ZNF250: variants seen among roughly 807,000 people sequenced by gnomAD.
ZNF250 encodes zinc finger protein (clone 647).
ZNF250 carries 13 observed loss-of-function variants against 37.1 expected under a neutral mutation model. The observed-to-expected ratio is 0.35, with a 90% CI of 0.23 to 0.56. ZNF250 has a LOEUF of 0.56. Ranked by LOEUF, ZNF250 falls within the 20% of genes least tolerant of loss-of-function variation. ZNF250 has a pLI of 0.87. For missense variants in ZNF250, 474 were observed against 697.9 expected (o/e 0.68, Z 3.61); for synonymous variants, 251 against 265.6 (o/e 0.94, Z 0.54).
chr8:144,889,369 T>C (rs1238896123), intron 4 of ZNF250, among the ~76,000 whole-genome samples: 2 of 152,220 alleles, frequency 1.3e-5, no homozygotes, highest in Non-Finnish European at 1.5e-5. Flanking sequence ...CATCAGCTTG[T>C]TGAAATTCAC....
intron 1 of ZNF250, among the ~76,000 whole-genome samples, chr8:144,896,008 CAAAAA>C (rs1183288137): frequency 3.1e-5 from 2 of 64,910 alleles, no homozygotes; most frequent in Admixed American, 1.7e-4. Context: ...GACTCTGTCT[CAAAAA>C]AAAAAAAAAA....
At chr8:144,895,538 A>G (rs1832658721) in intron 1 of ZNF250, among the ~76,000 whole-genome samples, 1 of 152,172 alleles carries the variant, frequency 6.6e-6, no homozygotes, top group Non-Finnish European at 1.5e-5. Context: ...AGGTGTTATT[A>G]TCTATTTGAT....
rs61668478 is a variant in ZNF250, at chr8:144,880,066, CAA to C, written c.*1447_*1448del. 19,870 of 133,594 alleles carry C rather than the reference CAA, an allele frequency of 0.15. 4,417 individuals carry two copies. Among genetic ancestry groups the C allele is most frequent in the African/African-American group, 0.49 (18,636 of 37,886 alleles). The allele number at this position is 133,594 out of a possible 1,614,324, so 8.3% of individuals were successfully genotyped here. ...GGGGAACAAGAGCAAGACTTTGTCT[CAA>C]AAAAAAAAAAAAAAGTATGCTTAAA... On this transcript the variant is annotated 3_prime_UTR_variant, in exon 6 of 6. Transcript: ENST00000417550.
chr8:144,881,561 T>C lies in ZNF250; in HGVS notation c.1622A>G (p.Gln541Arg). The change falls in exon 6 of 6, where the codon CAG becomes CGG. Residue 541 changes from glutamine to arginine, a missense_variant. Physicochemically the swap from Gln to Arg is conservative, Grantham distance 43 (BLOSUM62 1). Coordinates refer to ENST00000417550, the MANE Select transcript of ZNF250 (RefSeq NM_001109689.4). ...CTGGTGCTGGATTAGGTGGCCATGCTGGTTGAAGGCACGCCCACACTCCCC... is the reference window on the plus strand; with the variant it reads ...CTGGTGCTGGATTAGGTGGCCATGCCGGTTGAAGGCACGCCCACACTCCCC... ...ECGECGRAFNQHGHLIQHQKV... is the reference protein window; with the variant it reads ...ECGECGRAFNRHGHLIQHQKV... 6.2e-7 allele frequency: 1 copy of C among 1,607,404 alleles called. No homozygotes were observed. Among genetic ancestry groups the C allele is most frequent in the Non-Finnish European group, 8.5e-7 (1 of 1,174,664 alleles).
At position 144,882,351 on chromosome 8, in the gene ZNF250, G is replaced by A. The variant is rs1266532638; in HGVS notation, c.832C>T (p.His278Tyr). 4.3e-6 allele frequency: 7 copies of A among 1,613,772 alleles called. No homozygotes were observed. Among genetic ancestry groups the A allele is most frequent in the Non-Finnish European group, 5.1e-6 (6 of 1,179,884 alleles). ...HHKIHTGEKP[H>Y]ECLECRKAFT... is the part of the protein sequence containing the mutation. ...GCTTTCCGACACTCAAGACATTCGT[G>A]AGGCTTCTCTCCTGTATGTATCTTG... is the stretch of plus-strand genomic sequence containing the variant. Residue 278 changes from histidine to tyrosine, a missense_variant, in exon 6 of 6, where the codon CAC becomes TAC. By Grantham distance (83) the His-to-Tyr change is moderately conservative. This residue lies in a region of ZNF250 where 282 missense variants were observed against 470.4 expected (regional missense o/e 0.60). Transcript: ENST00000417550. This position sits in a 1 kb window ranked among gnomAD's most constrained non-coding sequence, Gnocchi z 5.5.
rs963211357 is a variant in ZNF250, at chr8:144,878,897, G to A, written c.*2618C>T. 2.0e-5 allele frequency: 3 copies of A among 152,194 alleles called. No individual in the cohort carries two copies. The highest frequency in any genetic ancestry group is 4.4e-5 in the Non-Finnish European group (3 of 68,042). The allele number at this position is 152,194 out of a possible 1,614,324, so 9.4% of individuals were successfully genotyped here. A position where few individuals can be genotyped will look rare whatever the true frequency, so the allele number is the denominator to read the frequency against. ...CAGAGCTACTCTGCAGTACCCACTA[G>A]TGATGTCAATTCCTTTCAGAAGTAA... On this transcript the variant is annotated 3_prime_UTR_variant, in exon 6 of 6. Coordinates refer to ENST00000417550, the MANE Select transcript of ZNF250 (RefSeq NM_001109689.4).
chr8:144,888,961 G>A (rs1832112267), intron 4 of ZNF250, among the ~76,000 whole-genome samples: 1 of 152,078 alleles, frequency 6.6e-6, no homozygotes, highest in Admixed American at 6.6e-5. Context: ...GTAGAGACAG[G>A]GTTTCACCGT....
In ZNF250 at chr8:144,884,267, T is replaced by C. The variant is rs1387099448; in HGVS notation, c.347-1431A>G. Among the ~76,000 whole-genome samples, 3 of 152,336 alleles carry C rather than the reference T, an allele frequency of 2.0e-5. No homozygotes were observed. In the East Asian group the frequency reaches 5.8e-4, roughly 29 times the overall value. On this transcript the variant is annotated intron_variant, in intron 5 of 5. Transcript: ENST00000417550. ...TCTGTTTATGAACATAATTCTTTTT[T>C]TAGAGACGGAGTCTTACCCTGTCGC...
intron 5 of ZNF250, among the ~76,000 whole-genome samples, chr8:144,886,369 C>T (rs1476846798): frequency 6.6e-6 from 1 of 152,140 alleles, no homozygotes; most frequent in Middle Eastern, 3.2e-3. Context: ...GCATAAGAGA[C>T]TACTCGCTCA....
chr8:144,886,715 T>C (rs1163262678), intron 5 of ZNF250, 125 bp downstream of exon 5: 13 of 751,198 alleles, frequency 1.7e-5, no homozygotes, highest in African/African-American at 3.6e-5. Flanking sequence ...CCTGGTGTTT[T>C]GTAGCAATTG....
rs1833081300 is a variant in ZNF250 at position 144,901,192 on chromosome 8, G to A, written c.-55+207C>T. The A allele has an allele frequency of 1.3e-5, 2 of 152,396 alleles. No homozygotes were observed. The highest frequency in any genetic ancestry group is 4.8e-5 in the African/African-American group (2 of 41,460). The allele number at this position is 152,396 out of a possible 1,614,324, so 9.4% of individuals were successfully genotyped here. On this transcript the variant is annotated intron_variant, in intron 1 of 5. Transcript: ENST00000417550. This position sits in a 1 kb window ranked among gnomAD's most constrained non-coding sequence, Gnocchi z 5.4. Reference sequence around the variant, plus strand: ...GGTCCAAGGCCGGGCGAGGGGAAGGGTGGGAACCCCGAACGGGGGAGAGGG... The same window carrying A: ...GGTCCAAGGCCGGGCGAGGGGAAGGATGGGAACCCCGAACGGGGGAGAGGG...
In ZNF250 at chr8:144,890,212, GGT is replaced by G; in HGVS notation, c.42+94_42+95del. ...AGGGGCCGCGGAGTTCAGGGCATGT[GGT>G]GACGCTCTGGCTGCTCTTAGGAGCT... On this transcript the variant is annotated intron_variant, in intron 2 of 5. Coordinates refer to ENST00000417550, the MANE Select transcript of ZNF250 (RefSeq NM_001109689.4). This position sits in a 1 kb window ranked among gnomAD's most constrained non-coding sequence, Gnocchi z 5.1. 1 of 1,493,072 alleles carries G rather than the reference GGT, an allele frequency of 6.7e-7. No homozygotes were observed. 92.5% of individuals were successfully genotyped at this position (1,493,072 alleles called of 1,614,324 possible).
chr8:144,884,136 G>A (rs771442110), intron 5 of ZNF250, among the ~76,000 whole-genome samples: 2 of 152,268 alleles, frequency 1.3e-5, no homozygotes, highest in African/African-American at 2.4e-5. Flanking sequence ...TCGTTTTCCC[G>A]TCAGCATTAT....
At position 144,897,539 on chromosome 8, in the gene ZNF250, G is replaced by A. The variant is rs1163088859; in HGVS notation, c.-55+3860C>T. Among the ~76,000 whole-genome samples, 3 of 152,250 alleles carry A rather than the reference G, an allele frequency of 2.0e-5. No individual in the cohort carries two copies. Among genetic ancestry groups the A allele is most frequent in the African/African-American group, 7.2e-5 (3 of 41,472 alleles). ...TAATCCCAGCACTTTGGGAGGCCAA[G>A]GTGGGTGGATCACCTGAGGTCAGGT... On this transcript the variant is annotated intron_variant, in intron 1 of 5. Coordinates refer to ENST00000417550, the MANE Select transcript of ZNF250 (RefSeq NM_001109689.4). The surrounding 1 kb of genome is among the most constrained non-coding windows in gnomAD (Gnocchi z 5.2).
intron 5 of ZNF250, among the ~76,000 whole-genome samples, 172 bp from the exon 6 acceptor site, chr8:144,883,008 A>G (rs935059889): frequency 3.9e-5 from 6 of 152,240 alleles, no homozygotes; most frequent in Non-Finnish European, 7.3e-5. Context: ...AGATATCAGA[A>G]GATAATGTTT....
intron 1 of ZNF250, among the ~76,000 whole-genome samples, chr8:144,893,094 C>T (rs1032545748): frequency 6.6e-6 from 1 of 151,850 alleles, no homozygotes; most frequent in African/African-American, 2.4e-5. Context: ...AACTCCCGAC[C>T]TCAGGTGATC....
At position 144,897,465 on chromosome 8, in the gene ZNF250, A is replaced by G. The variant is rs1049726176; in HGVS notation, c.-55+3934T>C. On this transcript the variant is annotated intron_variant, in intron 1 of 5. Coordinates refer to ENST00000417550, the MANE Select transcript of ZNF250 (RefSeq NM_001109689.4). This position sits in a 1 kb window ranked among gnomAD's most constrained non-coding sequence, Gnocchi z 5.2. Reference sequence around the variant, plus strand: ...CTTTCCAGAATTAATGATCAGAAATATGTATCCAAATTGATAGCTTTCTGG... The same window carrying G: ...CTTTCCAGAATTAATGATCAGAAATGTGTATCCAAATTGATAGCTTTCTGG... Among the ~76,000 whole-genome samples, 12 of 152,208 alleles carry G rather than the reference A, an allele frequency of 7.9e-5. No homozygotes were observed. Among genetic ancestry groups the G allele is most frequent in the African/African-American group, 2.2e-4 (9 of 41,456 alleles).
Position 144,886,884 on chromosome 8 carries a change from T to A in ZNF250, c.302A>T (p.His101Leu). ...SDYSDNLKYD[H>L]TTACTQQDSL... ...GTCTTGTTGTGTACAGGCTGTAGTG[T>A]GGTCATATTTGAGGTTGTCTGGAAA... Residue 101 changes from histidine (H) to leucine (L), a missense_variant, in exon 5 of 6, where the codon CAC (histidine) becomes CTC (leucine). His to Leu is a moderately conservative substitution (Grantham distance 99). This residue lies in a region of ZNF250 where 192 missense variants were observed against 227.5 expected (regional missense o/e 0.84). Transcript: ENST00000417550. 1 of 1,613,642 alleles carries A rather than the reference T, an allele frequency of 6.2e-7. No homozygotes were observed. The highest frequency in any genetic ancestry group is 8.5e-7 in the Non-Finnish European group (1 of 1,179,684).
chr8:144,880,628 C>G lies in ZNF250; in HGVS notation c.*887G>C. On this transcript the variant is annotated 3_prime_UTR_variant, in exon 6 of 6. Coordinates refer to ENST00000417550, the MANE Select transcript of ZNF250 (RefSeq NM_001109689.4). ...CCTGTAATCCCAACACTTTCGGAAG[C>G]AAAGGTGGGAGGATCACTTGAGGCC... is the stretch of plus-strand genomic sequence containing the variant. The G allele has an allele frequency of 5.2e-6, 2 of 386,230 alleles. No individual in the cohort carries two copies. The highest frequency in any genetic ancestry group is 1.1e-5 in the Non-Finnish European group (2 of 190,156). The allele number at this position is 386,230 out of a possible 1,614,324, so 23.9% of individuals were successfully genotyped here.
Sources: gnomAD v4.1 joint callset for allele counts (sites outside exome capture counted in the v4.1 genomes callset) on GRCh38, gnomAD v4.1.1 for gene constraint, gnomAD v4.1.1 regional missense constraint, Gnocchi (gnomAD v3.1) non-coding constraint, MANE v1.5 for transcripts, NCBI Gene and HGNC (gene_info 2026-07-23, HGNC 2026-07-21) for gene names.